FOXP2: variants seen among roughly 807,000 people sequenced by gnomAD.
The protein encoded by FOXP2 is forkhead box protein P2.
A neutral mutation model predicts 115.8 loss-of-function variants in FOXP2; 12 were observed. The ratio of observed to expected loss-of-function variants is 0.10; its 90% CI spans 0.07 to 0.17. The LOEUF is 0.17. FOXP2 is among the 10% of genes least tolerant of loss of function. The probability of loss-of-function intolerance (pLI) is 1.00; values close to 1 mark genes in which losing one functional copy is unlikely to be tolerated. For synonymous variants in FOXP2, 328 were observed against 297.7 expected (o/e 1.10, Z -1.05); for missense variants, 629 against 843.5 (o/e 0.75, Z 3.15).
At chr7:114,373,086 A>G (rs1008325146) in intron 2 of FOXP2, among the ~76,000 whole-genome samples, 20 of 151,662 alleles carry the variant, frequency 1.3e-4, no homozygotes, top group Non-Finnish European at 5.9e-5. Flanking sequence ...TCCACCTCCC[A>G]TGTTCACGCC....
intron 7 of FOXP2, among the ~76,000 whole-genome samples, chr7:114,643,009 C>T (rs1805665447): frequency 6.6e-6 from 1 of 150,990 alleles, no homozygotes; most frequent in Non-Finnish European, 1.5e-5. Context: ...GACGGGGTTT[C>T]ACCATGTTAG....
chr7:114,437,708 C>T (rs989802763), intron 2 of FOXP2, among the ~76,000 whole-genome samples: 1 of 152,068 alleles, frequency 6.6e-6, no homozygotes, highest in African/African-American at 2.4e-5. Context: ...GTAAGTATCC[C>T]AACCAAACTG....
At chr7:114,130,886 T>C (rs1791855895) in intron 1 of FOXP2, among the ~76,000 whole-genome samples, 1 of 152,244 alleles carries the variant, frequency 6.6e-6, no homozygotes, top group Non-Finnish European at 1.5e-5. Flanking sequence ...TTATAAGCTT[T>C]ATTTCTACTA....
At chr7:114,266,987 T>G (rs931356218) in intron 1 of FOXP2, among the ~76,000 whole-genome samples, 17 of 152,128 alleles carry the variant, frequency 1.1e-4, no homozygotes, top group African/African-American at 4.1e-4. Context: ...CAACATGTTA[T>G]AAAACGTTTG....
At chr7:114,311,040 G>A (rs1315631946) in intron 2 of FOXP2, among the ~76,000 whole-genome samples, 1 of 152,066 alleles carries the variant, frequency 6.6e-6, no homozygotes, top group African/African-American at 2.4e-5. Flanking sequence ...GACCAATTTC[G>A]GAGATCTTAT....
At chr7:114,534,445 A>T (rs990535894) in intron 2 of FOXP2, among the ~76,000 whole-genome samples, 172 bp from the exon 3 acceptor site, 2 of 151,964 alleles carry the variant, frequency 1.3e-5, no homozygotes, top group African/African-American at 2.4e-5. Context: ...GTAAAAAGTT[A>T]TATATGTGTG....
intron 2 of FOXP2, among the ~76,000 whole-genome samples, chr7:114,376,608 C>T (rs1285036987): frequency 6.6e-6 from 1 of 152,174 alleles, no homozygotes; most frequent in Non-Finnish European, 1.5e-5. Flanking sequence ...GAGAGGTAGA[C>T]TTCTAAATAT....
chr7:114,252,432 T>C (rs1795474760), intron 1 of FOXP2, among the ~76,000 whole-genome samples: 1 of 152,166 alleles, frequency 6.6e-6, no homozygotes, highest in Admixed American at 6.5e-5. Context: ...TGGACTTTTT[T>C]TGGTTGGTAA....
intron 1 of FOXP2, among the ~76,000 whole-genome samples, chr7:114,093,562 T>A (rs1341461987): frequency 6.6e-6 from 1 of 152,104 alleles, no homozygotes; most frequent in Non-Finnish European, 1.5e-5. Flanking sequence ...GAATGAATGT[T>A]TCATAGGAGG....
At chr7:114,222,341 A>T (rs996245055) in intron 1 of FOXP2, among the ~76,000 whole-genome samples, 2 of 151,892 alleles carry the variant, frequency 1.3e-5, no homozygotes, top group Non-Finnish European at 2.9e-5. Flanking sequence ...TTTTTTGTAG[A>T]GTTTCACCAT....
intron 2 of FOXP2, among the ~76,000 whole-genome samples, chr7:114,443,707 G>A (rs1449663921): frequency 2.0e-5 from 3 of 152,056 alleles, no homozygotes; most frequent in South Asian, 2.1e-4. Context: ...GTTTACATAC[G>A]ATAATGGCCT....
At chr7:114,157,762 A>G (rs1013607537) in intron 1 of FOXP2, among the ~76,000 whole-genome samples, 3 of 152,084 alleles carry the variant, frequency 2.0e-5, no homozygotes, top group Non-Finnish European at 4.4e-5. Context: ...AAAACATATT[A>G]TATATTTGCA....
intron 2 of FOXP2, among the ~76,000 whole-genome samples, chr7:114,511,210 T>G (rs1798053907): frequency 6.7e-6 from 1 of 150,016 alleles, no homozygotes; most frequent in African/African-American, 2.5e-5. Flanking sequence ...TGTCAGGGGG[T>G]GGGGGGCTAG....
intron 3 of FOXP2, among the ~76,000 whole-genome samples, chr7:114,551,509 G>T (rs1800206161): frequency 6.6e-6 from 1 of 152,124 alleles, no homozygotes; most frequent in Non-Finnish European, 1.5e-5. Context: ...AGCAGAATAA[G>T]CTAGTCTTCA....
chr7:114,658,250 A>T lies in FOXP2; in HGVS notation c.1451A>T (p.Asn484Ile). 1 of 1,613,760 alleles carries T rather than the reference A, an allele frequency of 6.2e-7. No individual in the cohort carries two copies. Among genetic ancestry groups the T allele is most frequent in the Non-Finnish European group, 8.5e-7 (1 of 1,179,818 alleles). The change falls in exon 11 of 17, where the codon AAC (asparagine) becomes ATC (isoleucine). Residue 484 changes from asparagine (N) to isoleucine (I), a missense_variant. Transcript: ENST00000350908. ...AIRRRHSDKY[N>I]IPMSSEIAPN... ...CGAAGGCGACATTCAGACAAATACA[A>T]CATTCCCATGTCATCAGGTAGGATA...
intron 2 of FOXP2, among the ~76,000 whole-genome samples, chr7:114,334,928 A>T (rs13309085): frequency 2.7e-5 from 3 of 111,826 alleles, no homozygotes; most frequent in Middle Eastern, 4.9e-3. Context: ...TATATATAGA[A>T]ATCTATATAT....
chr7:114,545,029 G>A (rs1799849354), intron 3 of FOXP2, among the ~76,000 whole-genome samples: 1 of 152,110 alleles, frequency 6.6e-6, no homozygotes, highest in African/African-American at 2.4e-5. Context: ...TGAGGAACGA[G>A]GGATGGAATC....
chr7:114,518,224 T>C (rs1273289122), intron 2 of FOXP2, among the ~76,000 whole-genome samples: 1 of 152,186 alleles, frequency 6.6e-6, no homozygotes, highest in Non-Finnish European at 1.5e-5. Context: ...ATTAAAGTAA[T>C]ATATTTCAAA....
intron 2 of FOXP2, among the ~76,000 whole-genome samples, chr7:114,353,213 C>T (rs1483222106): frequency 1.3e-5 from 2 of 150,598 alleles, no homozygotes; most frequent in Admixed American, 1.3e-4. Flanking sequence ...AGATTGCTAT[C>T]TGAAGTTTTA....
Sources: allele counts gnomAD v4.1 joint callset (sites outside exome capture counted in the v4.1 genomes callset), GRCh38; gene constraint gnomAD v4.1.1; transcripts MANE v1.5; gene names NCBI Gene and HGNC (gene_info 2026-07-23, HGNC 2026-07-21).